The following CYP7B1 variants were observed in gnomAD, a reference collection of about 807,000 sequenced individuals.
The protein encoded by CYP7B1 is cytochrome P450 family 7 subfamily B member 1.
A neutral mutation model predicts 42.7 loss-of-function variants in CYP7B1; 29 were observed. The observed-to-expected ratio is 0.68, with a 90% CI of 0.51 to 0.93. CYP7B1 has a LOEUF of 0.93. Ranked by LOEUF, CYP7B1 falls within the 40% of genes least tolerant of loss-of-function variation. The pLI is 0.00. For synonymous variants in CYP7B1, 235 were observed against 218.2 expected (o/e 1.08, Z -0.68); for missense variants, 655 against 600.5 (o/e 1.09, Z -0.95).
At chr8:64,651,779 G>A (rs1225961093) in intron 1 of CYP7B1, among the ~76,000 whole-genome samples, 1 of 152,164 alleles carries the variant, frequency 6.6e-6, no homozygotes, top group Non-Finnish European at 1.5e-5. Flanking sequence ...ACCAAATCTG[G>A]TGCTGCCTTG....
At chr8:64,737,196 G>A (rs1585885970) in intron 1 of CYP7B1, among the ~76,000 whole-genome samples, 6 of 152,212 alleles carry the variant, frequency 3.9e-5, no homozygotes, top group African/African-American at 2.4e-5. Context: ...TTGAACTCCT[G>A]GACTCAATCA....
chr8:64,673,393 C>T (rs888743197), intron 1 of CYP7B1, among the ~76,000 whole-genome samples: 11 of 152,126 alleles, frequency 7.2e-5, no homozygotes, highest in South Asian at 6.2e-4. Context: ...TCCCCATTAA[C>T]GACTTTCCAC....
intron 1 of CYP7B1, among the ~76,000 whole-genome samples, chr8:64,787,809 T>C (rs1804552933): frequency 1.3e-5 from 2 of 152,146 alleles, no homozygotes; most frequent in Admixed American, 6.5e-5. Context: ...ATTTAAAAAA[T>C]AGGTTTAATT....
intron 1 of CYP7B1, among the ~76,000 whole-genome samples, chr8:64,704,410 CATATA>C (rs1255216892): frequency 6.6e-6 from 1 of 151,952 alleles, no homozygotes; most frequent in Non-Finnish European, 1.5e-5. Context: ...CCATTTAATT[CATATA>C]ATATGACTTT....
In CYP7B1 at chr8:64,702,155, G is replaced by A. The variant is rs543325137; in HGVS notation, c.123-77616C>T. Among the ~76,000 whole-genome samples the A allele has an allele frequency of 2.0e-5, 3 of 152,112 alleles. No homozygotes were observed. The South Asian group carries it at 6.2e-4, about 32-fold the overall frequency. ...AACAAATAAACATGACTGGTTTTAAGTCAAACCAAATGGACTTAGCCCATT... is the reference window on the plus strand; with the variant it reads ...AACAAATAAACATGACTGGTTTTAAATCAAACCAAATGGACTTAGCCCATT... On this transcript the variant is annotated intron_variant, in intron 1 of 5. Coordinates refer to ENST00000310193, the MANE Select transcript of CYP7B1 (RefSeq NM_004820.5).
At chr8:64,727,032 C>A (rs1179836383) in intron 1 of CYP7B1, among the ~76,000 whole-genome samples, 2 of 152,178 alleles carry the variant, frequency 1.3e-5, no homozygotes, top group African/African-American at 4.8e-5. Context: ...ACAAATAGGT[C>A]TAATTCATAC....
chr8:64,770,157 C>G (rs906590101), intron 1 of CYP7B1, among the ~76,000 whole-genome samples: 1 of 152,112 alleles, frequency 6.6e-6, no homozygotes, highest in African/African-American at 2.4e-5. Context: ...GCACCATGCA[C>G]TACTCTAAGA....
At chr8:64,587,537 T>C (rs1804984780), downstream of CYP7B1, among the ~76,000 whole-genome samples, 1 of 152,196 alleles carries the variant, frequency 6.6e-6, no homozygotes, top group African/African-American at 2.4e-5. Context: ...ACCCGAAGCA[T>C]CCGCGAAAGC....
intron 1 of CYP7B1, among the ~76,000 whole-genome samples, chr8:64,795,963 T>C (rs964003576): frequency 2.0e-5 from 3 of 152,258 alleles, no homozygotes; most frequent in East Asian, 1.9e-4. Flanking sequence ...TTACCGATTG[T>C]TAAAAATTTT....
At chr8:64,658,714 A>T (rs79171479) in intron 1 of CYP7B1, among the ~76,000 whole-genome samples, 4,884 of 152,242 alleles carry the variant, frequency 0.032, 239 homozygotes, top group African/African-American at 0.11. Flanking sequence ...GCCTTCACTA[A>T]GCTCCTCTGG....
At chr8:64,637,890 T>C (rs1036632736) in intron 1 of CYP7B1, among the ~76,000 whole-genome samples, 3 of 152,226 alleles carry the variant, frequency 2.0e-5, no homozygotes, top group Non-Finnish European at 4.4e-5. Flanking sequence ...TATGGTCCTG[T>C]AATTTTCATA....
At chr8:64,728,683 T>C (rs1807359511) in intron 1 of CYP7B1, among the ~76,000 whole-genome samples, 1 of 152,210 alleles carries the variant, frequency 6.6e-6, no homozygotes, top group Non-Finnish European at 1.5e-5. Context: ...TATTATTGTG[T>C]TTATTAGAAT....
chr8:64,603,371 AC>A (rs1805230290), intron 5 of CYP7B1, among the ~76,000 whole-genome samples: 1 of 152,210 alleles, frequency 6.6e-6, no homozygotes, highest in Non-Finnish European at 1.5e-5. Flanking sequence ...AATCTGGTAA[AC>A]ATTTATTGTT....
rs201275404 is a variant in CYP7B1 at position 64,645,483 on chromosome 8, G to C, written c.123-20944C>G. ...TGGTGTGAGATGGTATCTCATTGTG[G>C]TTTTGATTTGCATTTCTCTGATGGC... On this transcript the variant is annotated intron_variant, in intron 1 of 5. Coordinates refer to ENST00000310193, the MANE Select transcript of CYP7B1 (RefSeq NM_004820.5). Among the ~76,000 whole-genome samples the C allele has an allele frequency of 7.2e-5, 11 of 152,222 alleles. No homozygotes were observed. The East Asian group carries it at 2.1e-3, about 29-fold the overall frequency.
intron 1 of CYP7B1, among the ~76,000 whole-genome samples, chr8:64,691,128 A>T (rs796357701): frequency 1.3e-5 from 2 of 152,306 alleles, no homozygotes; most frequent in African/African-American, 4.8e-5. Context: ...ATTATACAAC[A>T]TCCAGAGCTT....
intron 1 of CYP7B1, among the ~76,000 whole-genome samples, chr8:64,716,887 C>T (rs1585873920): frequency 6.6e-6 from 1 of 152,106 alleles, no homozygotes; most frequent in African/African-American, 2.4e-5. Context: ...GTCTTTTATA[C>T]TTCAAACAAT....
intron 5 of CYP7B1, among the ~76,000 whole-genome samples, chr8:64,598,236 G>A (rs575924042): frequency 5.9e-5 from 9 of 152,222 alleles, no homozygotes; most frequent in South Asian, 2.1e-4. Context: ...TTTAAAACAC[G>A]TATTTTACCA....
At chr8:64,587,402 G>T (rs1314250389), downstream of CYP7B1, among the ~76,000 whole-genome samples, 1 of 152,216 alleles carries the variant, frequency 6.6e-6, no homozygotes, top group African/African-American at 2.4e-5. Context: ...GAGAACTTCA[G>T]GGGCTCTGCC....
chr8:64,750,030 C>T (rs1380654991), intron 1 of CYP7B1, among the ~76,000 whole-genome samples: 1 of 152,204 alleles, frequency 6.6e-6, no homozygotes, highest in African/African-American at 2.4e-5. Context: ...TGAATAAATG[C>T]ATGCTAAAAT....
Sources: allele counts gnomAD v4.1 joint callset (sites outside exome capture counted in the v4.1 genomes callset), GRCh38; gene constraint gnomAD v4.1.1; transcripts MANE v1.5; gene names NCBI Gene and HGNC (gene_info 2026-07-23, HGNC 2026-07-21).